The following SHTN1 variants were observed in gnomAD, a reference collection of about 807,000 sequenced individuals.
The protein encoded by SHTN1 is shootin-1.
A neutral mutation model predicts 83.1 loss-of-function variants in SHTN1; 42 were observed. The ratio of observed to expected loss-of-function variants is 0.51; its 90% confidence interval spans 0.39 to 0.65. The LOEUF (loss-of-function observed/expected upper bound fraction) is 0.65. SHTN1 is among the 30% of genes least tolerant of loss of function. The pLI, the probability that SHTN1 is intolerant of heterozygous loss-of-function variation, is 0.00. For missense variants in SHTN1, 622 were observed against 737.8 expected, an observed-to-expected ratio of 0.84 and a Z score of 1.82; for synonymous variants, 224 against 247.7, an observed-to-expected ratio of 0.90 and a Z score of 0.90.
upstream of SHTN1, among the ~76,000 whole-genome samples, chr10:117,009,748 C>CA (rs35577578): frequency 5.1e-3 from 766 of 151,492 alleles, 12 homozygotes; most frequent in African/African-American, 0.017. Flanking sequence ...ACTAAAAATA[C>CA]AAAAAATTAG....
chr10:116,962,053 C>T (rs984666822), intron 3 of SHTN1, among the ~76,000 whole-genome samples: 12 of 112,752 alleles, frequency 1.1e-4, no homozygotes, highest in Admixed American at 2.4e-4. Flanking sequence ...CCCCCCCCTT[C>T]CACATCACCC....
intron 16 of SHTN1, among the ~76,000 whole-genome samples, chr10:116,893,576 G>GCACACACACACACACACACACA (rs6144113): frequency 0.14 from 17,773 of 123,412 alleles, 1,948 homozygotes; most frequent in African/African-American, 0.24. Context: ...GCACTCATGT[G>GCACACACACACACACACACACA]CACACACACA....
intron 1 of SHTN1, among the ~76,000 whole-genome samples, chr10:117,051,260 C>T (rs551118205): frequency 1.3e-5 from 2 of 152,140 alleles, no homozygotes; most frequent in Admixed American, 6.5e-5. Flanking sequence ...AATCAATAAC[C>T]AAAAGTCACC....
At chr10:116,963,902 C>T (rs1457507431) in intron 3 of SHTN1, among the ~76,000 whole-genome samples, 2 of 151,562 alleles carry the variant, frequency 1.3e-5, no homozygotes, top group Admixed American at 1.3e-4. Flanking sequence ...AAGTTTGTCT[C>T]TCTTCAACTA....
At chr10:117,028,642 T>C (rs1013414158) in intron 2 of SHTN1, among the ~76,000 whole-genome samples, 1 of 151,792 alleles carries the variant, frequency 6.6e-6, no homozygotes, top group African/African-American at 2.4e-5. Context: ...GGGGCCCAGG[T>C]ACAACCTGGG....
At chr10:117,025,706 G>A (rs1852325067) in intron 2 of SHTN1, among the ~76,000 whole-genome samples, 1 of 152,144 alleles carries the variant, frequency 6.6e-6, no homozygotes, top group African/African-American at 2.4e-5. Flanking sequence ...ACTTTGTCTT[G>A]CATCTTGGAT....
At chr10:116,959,926 C>T (rs1363737046) in intron 4 of SHTN1, among the ~76,000 whole-genome samples, 4 of 152,186 alleles carry the variant, frequency 2.6e-5, no homozygotes, top group Non-Finnish European at 5.9e-5. Flanking sequence ...CATACAAATG[C>T]TCCTTTTACA....
At chr10:117,062,117 G>A (rs1852913205) in intron 1 of SHTN1, among the ~76,000 whole-genome samples, 1 of 152,076 alleles carries the variant, frequency 6.6e-6, no homozygotes, top group South Asian at 2.1e-4. Context: ...CAAATTATTT[G>A]CATAACATTT....
intron 15 of SHTN1, among the ~76,000 whole-genome samples, chr10:116,904,907 A>G (rs1847901475): frequency 6.6e-6 from 1 of 152,226 alleles, no homozygotes; most frequent in African/African-American, 2.4e-5. Flanking sequence ...AAGTCCTTAA[A>G]AATAGCAGTG....
intron 6 of SHTN1, among the ~76,000 whole-genome samples, chr10:116,950,552 C>G (rs1440138008): frequency 1.3e-5 from 2 of 152,166 alleles, no homozygotes; most frequent in Non-Finnish European, 2.9e-5. Context: ...AATAATACCT[C>G]TAAGTGGGAA....
At chr10:117,112,256 G>A (rs1853779280) in intron 1 of SHTN1, among the ~76,000 whole-genome samples, 1 of 152,130 alleles carries the variant, frequency 6.6e-6, no homozygotes, top group Non-Finnish European at 1.5e-5. Flanking sequence ...GTGAGCCACT[G>A]AGCCCAGCCC....
intron 1 of SHTN1, among the ~76,000 whole-genome samples, chr10:117,097,015 A>G (rs891729356): frequency 8.0e-5 from 11 of 138,092 alleles, no homozygotes; most frequent in East Asian, 6.3e-4. Context: ...ACGCGCGCGC[A>G]CACACACACA....
At chr10:116,997,241 T>C (rs1238689502) in intron 1 of SHTN1, among the ~76,000 whole-genome samples, 2 of 152,248 alleles carry the variant, frequency 1.3e-5, no homozygotes, top group East Asian at 3.8e-4. Flanking sequence ...TTTGGAAGCC[T>C]GGAACTGCTT....
At position 116,884,903 on chromosome 10, in the gene SHTN1, C is replaced by A. The variant is rs1380637043; in HGVS notation, c.*1441G>T. The A allele has an allele frequency of 2.6e-5, 4 of 152,490 alleles. No homozygotes were observed. Among genetic ancestry groups the A allele is most frequent in the Admixed American group, 1.3e-4 (2 of 15,328 alleles). 9.4% of individuals were successfully genotyped at this position (152,490 alleles called of 1,614,324 possible). A position where few individuals can be genotyped will look rare whatever the true frequency, so the allele number is the denominator to read the frequency against. ...TTAATGCAGTCTGTAGTAAGCATAT[C>A]ATATAGCAGTATTATCCAGTTAAAG... On this transcript the variant is annotated 3_prime_UTR_variant, in exon 17 of 17. Transcript: ENST00000355371.
intron 1 of SHTN1, among the ~76,000 whole-genome samples, chr10:117,107,607 A>T (rs1260933656): frequency 2.0e-5 from 3 of 152,234 alleles, no homozygotes; most frequent in Non-Finnish European, 4.4e-5. Context: ...CTATAATATT[A>T]GGATGAAAGC....
rs776411768 is a variant in SHTN1, at chr10:116,884,262, G to A, written c.*2082C>T. The A allele has an allele frequency of 2.0e-4, 94 of 459,266 alleles. 5 individuals are homozygous for A. The highest frequency in any genetic ancestry group is 1.4e-3 in the South Asian group (91 of 64,646). 28.4% of individuals were successfully genotyped at this position (459,266 alleles called of 1,614,324 possible). A position where few individuals can be genotyped will look rare whatever the true frequency, so the allele number is the denominator to read the frequency against. On this transcript the variant is annotated 3_prime_UTR_variant, in exon 17 of 17. Transcript: ENST00000355371. The stretch of plus-strand genomic sequence containing the variant: ...GGGATCCCTTGCTTTGGTTGACAGT[G>A]TCACCCCAGCCAGGGGCAAAACCCC...
chr10:117,034,352 C>T (rs1383022780), intron 2 of SHTN1, among the ~76,000 whole-genome samples: 1 of 152,094 alleles, frequency 6.6e-6, no homozygotes, highest in Non-Finnish European at 1.5e-5. Flanking sequence ...GATACAAAAT[C>T]AACATATGGC....
At chr10:117,121,291 T>C (rs750999003) in intron 1 of SHTN1, among the ~76,000 whole-genome samples, 3 of 152,226 alleles carry the variant, frequency 2.0e-5, no homozygotes, top group African/African-American at 4.8e-5. Context: ...CAATTCTAAA[T>C]TTTGGGCCAG....
chr10:116,960,135 C>A lies in SHTN1; in HGVS notation c.267+1G>T. On this transcript the variant is annotated splice_donor_variant, in intron 4 of 16. Coordinates refer to ENST00000355371, the MANE Select transcript of SHTN1 (RefSeq NM_001127211.3). LOFTEE classifies it high-confidence loss of function. The stretch of plus-strand genomic sequence containing the variant: ...TAAAATTCCTTCATTTGAAGTCTCA[C>A]CTTTGTTGCCAAAGCTTCAGCACTT... 6.3e-7 allele frequency: 1 copy of A among 1,583,576 alleles called. No homozygotes were observed. Among genetic ancestry groups the A allele is most frequent in the Non-Finnish European group, 8.7e-7 (1 of 1,152,872 alleles).
Sources: gnomAD v4.1 joint callset for allele counts (sites outside exome capture counted in the v4.1 genomes callset) on GRCh38, gnomAD v4.1.1 for gene constraint, MANE v1.5 for transcripts, NCBI Gene and HGNC (gene_info 2026-07-23, HGNC 2026-07-21) for gene names.